Variants in NRP1 observed in about 807,000 individuals in gnomAD.
NRP1 encodes neuropilin 1.
A neutral mutation model predicts 106.7 loss-of-function variants in NRP1; 35 were observed. The observed-to-expected ratio is 0.33, with a 90% CI of 0.25 to 0.43. The LOEUF is 0.43. Ranked by LOEUF, NRP1 falls within the 20% of genes least tolerant of loss-of-function variation. NRP1 has a pLI of 1.00. For missense variants in NRP1, 1,024 were observed against 1,170.4 expected, an observed-to-expected ratio of 0.87 and a Z score of 1.83; for synonymous variants, 437 against 417.9, an observed-to-expected ratio of 1.05 and a Z score of -0.56.
At chr10:33,270,579 G>T (rs999569851) in intron 3 of NRP1, 96 bp downstream of exon 3, 2 of 1,029,348 alleles carry the variant, frequency 1.9e-6, no homozygotes, top group South Asian at 2.2e-5. Context: ...CACCTGCCTC[G>T]GCCTCCCAAA....
In NRP1 at chr10:33,178,333, T is replaced by G. The variant is rs898835530; in HGVS notation, c.*1743A>C. On this transcript the variant is annotated 3_prime_UTR_variant, in exon 17 of 17. Coordinates refer to ENST00000374867, the MANE Select transcript of NRP1 (RefSeq NM_003873.7). ...TCTTTGGGTTAATTCATAGGCTGCCTGGTAAGATATTTGCTTCCCTGTGCT... is the reference window on the plus strand; with the variant it reads ...TCTTTGGGTTAATTCATAGGCTGCCGGGTAAGATATTTGCTTCCCTGTGCT... The G allele has an allele frequency of 2.0e-5, 3 of 152,180 alleles. No individual in the cohort carries two copies. The highest frequency in any genetic ancestry group is 7.2e-5 in the African/African-American group (3 of 41,456). The allele number at this position is 152,180 out of a possible 1,614,324, so 9.4% of individuals were successfully genotyped here. A position where few individuals can be genotyped will look rare whatever the true frequency, so the allele number is the denominator to read the frequency against.
intron 13 of NRP1, among the ~76,000 whole-genome samples, chr10:33,188,641 C>T (rs561042016): frequency 7.9e-4 from 120 of 152,016 alleles, no homozygotes; most frequent in Admixed American, 4.1e-3. Flanking sequence ...CTTTGGGAAG[C>T]CGAGGTGGCT....
At chr10:33,297,887 T>C (rs530478816) in intron 2 of NRP1, among the ~76,000 whole-genome samples, 3 of 151,404 alleles carry the variant, frequency 2.0e-5, no homozygotes, top group African/African-American at 2.4e-5. Context: ...TCCTGCCCTA[T>C]GAAAACCAGA....
intron 11 of NRP1, among the ~76,000 whole-genome samples, chr10:33,199,258 G>A (rs968223897): frequency 1.3e-5 from 2 of 149,658 alleles, no homozygotes; most frequent in Admixed American, 6.7e-5. Flanking sequence ...GTGCAGTGGC[G>A]CCATCATGGC....
chr10:33,333,065 G>A (rs747369654), intron 1 of NRP1, among the ~76,000 whole-genome samples: 5 of 152,272 alleles, frequency 3.3e-5, no homozygotes, highest in Non-Finnish European at 7.4e-5. Flanking sequence ...TCAGTTGGAC[G>A]AGAATGCTAT....
chr10:33,310,437 G>A (rs1204201851), intron 2 of NRP1, among the ~76,000 whole-genome samples: 2 of 151,880 alleles, frequency 1.3e-5, no homozygotes, highest in Non-Finnish European at 2.9e-5. Context: ...TTTTAGTAGA[G>A]ACGGGGTTTT....
intron 3 of NRP1, 94 bp from the exon 4 acceptor site, chr10:33,263,967 T>A (rs961591411): frequency 8.1e-4 from 617 of 758,036 alleles, no homozygotes; most frequent in Admixed American, 1.0e-3. Context: ...ATCTTTCTAA[T>A]AAAAGCCCGC....
chr10:33,262,703 CAAAAA>C (rs3035285), intron 4 of NRP1, among the ~76,000 whole-genome samples: 26 of 100,800 alleles, frequency 2.6e-4, no homozygotes, highest in Non-Finnish European at 4.4e-4. Context: ...AACTCTGTCT[CAAAAA>C]AAAAAAAAAA....
At chr10:33,201,260 T>C (rs1837282063) in intron 11 of NRP1, 1 of 152,188 alleles carries the variant, frequency 6.6e-6, no homozygotes, top group African/African-American at 2.4e-5. Flanking sequence ...GATTCAGTCA[T>C]GAACTAATGC....
chr10:33,293,952 C>T (rs965726540), intron 2 of NRP1, among the ~76,000 whole-genome samples: 1 of 152,188 alleles, frequency 6.6e-6, no homozygotes, highest in South Asian at 2.1e-4. Context: ...TCAGAATTAA[C>T]CTCAGGACAA....
chr10:33,249,096 T>TTTG (rs1253692510), intron 6 of NRP1, among the ~76,000 whole-genome samples: 4 of 147,446 alleles, frequency 2.7e-5, no homozygotes, highest in African/African-American at 7.5e-5. Flanking sequence ...TTTTTTTTTT[T>TTTG]TTTTTTTTTT....
intron 2 of NRP1, among the ~76,000 whole-genome samples, chr10:33,295,873 T>G (rs1366915484): frequency 6.6e-6 from 1 of 152,182 alleles, no homozygotes; most frequent in African/African-American, 2.4e-5. Flanking sequence ...ATGCTAAAAC[T>G]CAAGGAAATT....
At chr10:33,276,337 C>T (rs1211874878) in intron 2 of NRP1, among the ~76,000 whole-genome samples, 1 of 152,008 alleles carries the variant, frequency 6.6e-6, no homozygotes, top group Non-Finnish European at 1.5e-5. Flanking sequence ...CTTCCCCCAC[C>T]CACTGGATCA....
intron 1 of NRP1, 97 bp downstream of exon 1, chr10:33,334,213 C>T (rs1156379374): frequency 8.7e-7 from 1 of 1,144,596 alleles, no homozygotes; most frequent in East Asian, 2.6e-5. Context: ...TCGGTTGTTC[C>T]CGGCTGATCC....
At chr10:33,252,963 A>G (rs2133167043) in intron 6 of NRP1, among the ~76,000 whole-genome samples, 1 of 151,900 alleles carries the variant, frequency 6.6e-6, no homozygotes, top group African/African-American at 2.4e-5. Flanking sequence ...AAGCAGCAAT[A>G]GATGTGGAAA....
chr10:33,291,845 G>T (rs961050058), intron 2 of NRP1, among the ~76,000 whole-genome samples: 1 of 152,158 alleles, frequency 6.6e-6, no homozygotes, highest in African/African-American at 2.4e-5. Context: ...GGAAGCTAAG[G>T]CTCTAAGAGA....
At chr10:33,195,226 T>G (rs2132646224) in intron 12 of NRP1, among the ~76,000 whole-genome samples, 1 of 152,244 alleles carries the variant, frequency 6.6e-6, no homozygotes, top group East Asian at 1.9e-4. Flanking sequence ...TCTTTCAGTC[T>G]AAACAAGCAG....
chr10:33,182,808 A>G (rs1191881306), intron 15 of NRP1, 60 bp from the exon 16 acceptor site: 1 of 1,142,832 alleles, frequency 8.8e-7, no homozygotes, highest in Non-Finnish European at 1.3e-6. Flanking sequence ...ATAATGCACC[A>G]AACTACACAA....
chr10:33,258,615 C>T (rs1056959724), intron 4 of NRP1, among the ~76,000 whole-genome samples: 6 of 152,218 alleles, frequency 3.9e-5, no homozygotes, highest in South Asian at 2.1e-4. Context: ...AAGAAAGCAT[C>T]TCAGAAGATG....
Sources: allele counts gnomAD v4.1 joint callset (sites outside exome capture counted in the v4.1 genomes callset), GRCh38; gene constraint gnomAD v4.1.1; transcripts MANE v1.5; gene names NCBI Gene and HGNC (gene_info 2026-07-23, HGNC 2026-07-21).